The following PATJ variants were observed in gnomAD, a reference collection of about 807,000 sequenced individuals.
PATJ encodes PATJ crumbs cell polarity complex component, also known as inaD-like protein.
PATJ carries 190 observed loss-of-function variants against 224.9 expected under a neutral mutation model. The observed-to-expected ratio is 0.84, with a 90% CI of 0.75 to 0.95. The LOEUF (loss-of-function observed/expected upper bound fraction) is 0.95. Among genes scored for constraint, PATJ ranks in the 40% least tolerant of loss-of-function variants. The pLI is 0.00. For synonymous variants in PATJ, 769 were observed against 820.3 expected (o/e 0.94, Z 1.07); for missense variants, 2,121 against 2,270.3 (o/e 0.93, Z 1.34).
intron 33 of PATJ, among the ~76,000 whole-genome samples, chr1:62,087,984 C>T (rs1023545523): frequency 2.6e-5 from 4 of 151,732 alleles, no homozygotes; most frequent in East Asian, 1.9e-4. Flanking sequence ...CTCCGCCTCC[C>T]GGGTTCAAGC....
chr1:61,788,292 A>G (rs772639528), intron 8 of PATJ, among the ~76,000 whole-genome samples: 1 of 152,124 alleles, frequency 6.6e-6, no homozygotes, highest in Non-Finnish European at 1.5e-5. Context: ...ACACTGGCCG[A>G]TGTGTGAGAA....
At chr1:62,135,890 C>G (rs1488714086) in intron 41 of PATJ, among the ~76,000 whole-genome samples, 1 of 152,136 alleles carries the variant, frequency 6.6e-6, no homozygotes, top group Non-Finnish European at 1.5e-5. Flanking sequence ...TTATAAAATC[C>G]TGGAAGTGGA....
rs1040344999 is a variant in PATJ at position 62,009,734 on chromosome 1, T to G, written c.3868-8122T>G. Among the ~76,000 whole-genome samples the G allele has an allele frequency of 3.3e-5, 5 of 152,174 alleles. No individual in the cohort carries two copies. In the East Asian group the frequency reaches 9.6e-4, roughly 29 times the overall value. Reference sequence around the variant, plus strand: ...ATGAAGTTTATGTAATAGTCTAGATTCATTGTTGTCATTTCAACAATGTTC... The same window carrying G: ...ATGAAGTTTATGTAATAGTCTAGATGCATTGTTGTCATTTCAACAATGTTC... On this transcript the variant is annotated intron_variant, in intron 28 of 43. Coordinates refer to ENST00000642238, the MANE Select transcript of PATJ (RefSeq NM_001350145.3).
intron 26 of PATJ, among the ~76,000 whole-genome samples, chr1:61,926,757 T>C (rs576166856): frequency 6.6e-6 from 1 of 152,366 alleles, no homozygotes; most frequent in South Asian, 2.1e-4. Context: ...CTTTCCTTTA[T>C]GACTCTCAAA....
In PATJ at chr1:62,029,757, G is replaced by C. The variant is rs1648841008; in HGVS notation, c.3960-8220G>C. ...GTTAGTTAATATTTAATACTAGCTAGGTAGACTTACATAGGAAAGAACTGA... is the reference window on the plus strand; with the variant it reads ...GTTAGTTAATATTTAATACTAGCTACGTAGACTTACATAGGAAAGAACTGA... On this transcript the variant is annotated intron_variant, in intron 29 of 43. Coordinates refer to ENST00000642238, the MANE Select transcript of PATJ (RefSeq NM_001350145.3). Among the ~76,000 whole-genome samples the C allele has an allele frequency of 2.6e-5, 4 of 152,274 alleles. No individual in the cohort carries two copies. In the South Asian group the frequency reaches 8.3e-4, roughly 32 times the overall value.
chr1:61,864,530 A>G lies in PATJ; in HGVS notation c.2732A>G (p.Gln911Arg), dbSNP rs770434770. ...GTGAATGAACTTCACTTTGGTACACAGTGGTTGCATGATAATGAACCATCC... is the reference window on the plus strand; with the variant it reads ...GTGAATGAACTTCACTTTGGTACACGGTGGTTGCATGATAATGAACCATCC... ...PSVNELHFGT[Q>R]WLHDNEPSES... Residue 911 changes from glutamine to arginine, a missense_variant, in exon 20 of 44, where the codon CAG (glutamine) becomes CGG (arginine). Coordinates refer to ENST00000642238, the MANE Select transcript of PATJ (RefSeq NM_001350145.3). 1.2e-6 allele frequency: 2 copies of G among 1,613,782 alleles called. No individual in the cohort carries two copies. Among genetic ancestry groups the G allele is most frequent in the African/African-American group, 1.3e-5 (1 of 74,918 alleles).
At chr1:61,990,454 G>A in intron 28 of PATJ, 90 bp downstream of exon 28, 1 of 785,932 alleles carries the variant, frequency 1.3e-6, no homozygotes, top group African/African-American at 1.8e-5. Context: ...AGGGAAGAAT[G>A]ATGTCAAATT....
chr1:61,826,513 G>A (rs1481335286), intron 15 of PATJ, among the ~76,000 whole-genome samples: 1 of 152,180 alleles, frequency 6.6e-6, no homozygotes, highest in Admixed American at 6.5e-5. Flanking sequence ...TTTGGGAGTA[G>A]CAGACAGATC....
chr1:62,143,243 A>G (rs1442376749), intron 41 of PATJ, among the ~76,000 whole-genome samples: 1 of 152,168 alleles, frequency 6.6e-6, no homozygotes, highest in East Asian at 1.9e-4. Flanking sequence ...TATTTTCACT[A>G]TTTCACCCAG....
Position 62,144,771 on chromosome 1 carries a change from A to ATATATATAT in PATJ, c.5272-3513_5272-3512insTATATATAT, listed in dbSNP as rs1439255158. 3.9e-3 allele frequency among the ~76,000 whole-genome samples: 286 copies of ATATATATAT among 73,300 alleles called. 35 individuals are homozygous for ATATATATAT. In the East Asian group the frequency reaches 0.051, roughly 13 times the overall value. 48.1% of individuals were successfully genotyped at this position (73,300 alleles called of 152,430 possible). On this transcript the variant is annotated intron_variant, in intron 41 of 43. Coordinates refer to ENST00000642238, the MANE Select transcript of PATJ (RefSeq NM_001350145.3). ...ATGCTCTAGAATGTTATTTGCAAAA[A>ATATATATAT]AAAAAAATATATATATATATATATA...
chr1:62,073,730 C>G (rs1466757420), intron 31 of PATJ, among the ~76,000 whole-genome samples: 1 of 152,160 alleles, frequency 6.6e-6, no homozygotes, highest in Non-Finnish European at 1.5e-5. Flanking sequence ...TGGTGCATAC[C>G]TGTAGTCCCA....
intron 31 of PATJ, among the ~76,000 whole-genome samples, chr1:62,079,183 A>T (rs531457560): frequency 1.4e-4 from 21 of 152,110 alleles, no homozygotes; most frequent in Non-Finnish European, 2.8e-4. Flanking sequence ...TCATGTACAG[A>T]TCACACTGAC....
intron 31 of PATJ, among the ~76,000 whole-genome samples, chr1:62,056,141 T>C (rs572564850): frequency 1.3e-5 from 2 of 152,280 alleles, no homozygotes; most frequent in South Asian, 2.1e-4. Flanking sequence ...GGTCCACTGC[T>C]TCAAATGCCC....
chr1:61,884,451 GT>G (rs72229771), intron 22 of PATJ, 43 bp downstream of exon 22: 6,494 of 638,494 alleles, frequency 0.01, 10 homozygotes, highest in African/African-American at 0.021. Context: ...TAAAATAGTG[GT>G]TTTTTTTTTT....
intron 21 of PATJ, among the ~76,000 whole-genome samples, chr1:61,883,356 T>TA (rs1164091997): frequency 1.3e-5 from 2 of 152,144 alleles, no homozygotes; most frequent in Non-Finnish European, 2.9e-5. Flanking sequence ...TACCTGCTGG[T>TA]AAAAAATTGG....
intron 20 of PATJ, among the ~76,000 whole-genome samples, chr1:61,869,725 G>C (rs995721117): frequency 1.3e-5 from 2 of 152,204 alleles, no homozygotes; most frequent in African/African-American, 4.8e-5. Flanking sequence ...GTGTGTGAGT[G>C]AACAAGGTGG....
rs1665996742 is a variant in PATJ, at chr1:62,128,913, C to A, written c.5239C>A (p.Leu1747Met). The A allele has an allele frequency of 1.2e-6, 2 of 1,612,928 alleles. No individual in the cohort carries two copies. The highest frequency in any genetic ancestry group is 2.2e-5 in the South Asian group (2 of 90,988). ...GTCTCACGCGGATGTGGTTAATCTG[C>A]TGAAGAACGCCTACGGGCGCATTAT... ...GLSHADVVNL[L>M]KNAYGRIILQ... The change falls in exon 41 of 44, where the codon CTG becomes ATG. Residue 1747 changes from leucine (L) to methionine (M), a missense_variant. Transcript: ENST00000642238.
chr1:61,980,494 A>G (rs2149499112), intron 27 of PATJ, among the ~76,000 whole-genome samples: 1 of 151,296 alleles, frequency 6.6e-6, no homozygotes, highest in African/African-American at 2.4e-5. Flanking sequence ...GCATTTTCAT[A>G]TAGTAAACAA....
intron 29 of PATJ, among the ~76,000 whole-genome samples, chr1:62,025,431 G>A (rs1647665028): frequency 6.6e-6 from 1 of 152,174 alleles, no homozygotes; most frequent in African/African-American, 2.4e-5. Context: ...GGTGAGGGCT[G>A]TATATTAAGG....
Sources: gnomAD v4.1 joint callset for allele counts (sites outside exome capture counted in the v4.1 genomes callset) on GRCh38, gnomAD v4.1.1 for gene constraint, MANE v1.5 for transcripts, NCBI Gene and HGNC (gene_info 2026-07-23, HGNC 2026-07-21) for gene names.